Variants in PDZRN4 observed in about 807,000 individuals in gnomAD.
The protein encoded by PDZRN4 is PDZ domain containing ring finger 4, also known as PDZ domain-containing RING finger protein 4.
PDZRN4 carries 70 observed loss-of-function variants against 99.0 expected under a neutral mutation model. The ratio of observed to expected loss-of-function variants is 0.71; its 90% CI spans 0.58 to 0.86. The LOEUF is 0.86. PDZRN4 is among the 40% of genes least tolerant of loss of function. The pLI, the probability that PDZRN4 is intolerant of heterozygous loss-of-function variation, is 0.00. For missense variants in PDZRN4, 1,474 were observed against 1,331.2 expected, an observed-to-expected ratio of 1.11 and a Z score of -1.67; for synonymous variants, 551 against 501.6, an observed-to-expected ratio of 1.10 and a Z score of -1.32.
Position 41,233,843 on chromosome 12 carries a change from G to A in PDZRN4, c.843+39655G>A, listed in dbSNP as rs531979026. ...TTAGGAGACATACCTAATACTAAAT[G>A]ATGAATTAATGGGTGCAGCACACCA... On this transcript the variant is annotated intron_variant, in intron 3 of 9. Coordinates refer to ENST00000402685, the MANE Select transcript of PDZRN4 (RefSeq NM_001164595.2). 3.3e-5 allele frequency among the ~76,000 whole-genome samples: 5 copies of A among 152,008 alleles called. No homozygotes were observed. The East Asian group carries it at 9.7e-4, about 29-fold the overall frequency.
chr12:41,383,110 A>T (rs547630886), intron 3 of PDZRN4, among the ~76,000 whole-genome samples: 1 of 152,308 alleles, frequency 6.6e-6, no homozygotes, highest in South Asian at 2.1e-4. Context: ...ACACCTGATT[A>T]TGCTTCTAGG....
intron 3 of PDZRN4, among the ~76,000 whole-genome samples, chr12:41,235,493 C>T (rs1286220218): frequency 1.3e-5 from 2 of 152,134 alleles, no homozygotes; most frequent in Non-Finnish European, 2.9e-5. Context: ...AGACTTCACC[C>T]ATGAAGGATC....
At chr12:41,300,362 T>C (rs1254907873) in intron 3 of PDZRN4, among the ~76,000 whole-genome samples, 1 of 151,998 alleles carries the variant, frequency 6.6e-6, no homozygotes, top group African/African-American at 2.4e-5. Context: ...AACACAGTTT[T>C]CCTGAATCAC....
chr12:41,528,923 T>C (rs1938614808), intron 5 of PDZRN4, among the ~76,000 whole-genome samples: 1 of 152,174 alleles, frequency 6.6e-6, no homozygotes, highest in African/African-American at 2.4e-5. Flanking sequence ...AGTCCTTTTT[T>C]TTTGCTACAG....
At chr12:41,556,046 T>A (rs1293523739) in intron 7 of PDZRN4, among the ~76,000 whole-genome samples, 1 of 152,206 alleles carries the variant, frequency 6.6e-6, no homozygotes, top group Non-Finnish European at 1.5e-5. Flanking sequence ...CCTCCTCTCA[T>A]CCTAAGCTTT....
At chr12:41,197,158 G>A (rs976156749) in intron 3 of PDZRN4, among the ~76,000 whole-genome samples, 3 of 152,016 alleles carry the variant, frequency 2.0e-5, no homozygotes, top group Admixed American at 6.6e-5. Context: ...ACAAGTTTAT[G>A]AATTGTTTTT....
chr12:41,359,665 A>C (rs1951951578), intron 3 of PDZRN4, among the ~76,000 whole-genome samples: 1 of 151,758 alleles, frequency 6.6e-6, no homozygotes, highest in Non-Finnish European at 1.5e-5. Flanking sequence ...GCCTGTCTCC[A>C]TATATGACGT....
intron 3 of PDZRN4, among the ~76,000 whole-genome samples, chr12:41,321,225 T>C (rs1354732561): frequency 1.3e-5 from 2 of 152,186 alleles, no homozygotes; most frequent in South Asian, 2.1e-4. Flanking sequence ...GTTTTCCATC[T>C]GCTCTTTTAT....
intron 3 of PDZRN4, among the ~76,000 whole-genome samples, chr12:41,445,387 T>C (rs1414433633): frequency 6.6e-6 from 1 of 152,120 alleles, no homozygotes; most frequent in Non-Finnish European, 1.5e-5. Context: ...ACAAATGAAC[T>C]GCATATCTTT....
chr12:41,226,880 C>A (rs1356971323), intron 3 of PDZRN4, among the ~76,000 whole-genome samples: 3 of 152,154 alleles, frequency 2.0e-5, no homozygotes, highest in African/African-American at 7.2e-5. Flanking sequence ...AGCATTCTTT[C>A]TGATGCTTTT....
intron 3 of PDZRN4, chr12:41,437,840 T>C: frequency 1.2e-6 from 2 of 1,601,352 alleles, no homozygotes; most frequent in Non-Finnish European, 1.7e-6. Context: ...CTGAAGTGAC[T>C]GATGAAAAAC....
At chr12:41,495,766 C>T (rs1005745242) in intron 3 of PDZRN4, among the ~76,000 whole-genome samples, 61 of 152,068 alleles carry the variant, frequency 4.0e-4, no homozygotes, top group Non-Finnish European at 4.3e-4. Flanking sequence ...AACCTCTTCT[C>T]CAAGACTCAG....
intron 3 of PDZRN4, among the ~76,000 whole-genome samples, chr12:41,286,353 TTTTTTTG>T (rs959720254): frequency 6.7e-6 from 1 of 149,066 alleles, no homozygotes; most frequent in Non-Finnish European, 1.5e-5. Context: ...TTTTTTTTTT[TTTTTTTG>T]TTGTTGTTGT....
chr12:41,525,152 G>T (rs575915539), intron 5 of PDZRN4, among the ~76,000 whole-genome samples: 1 of 152,242 alleles, frequency 6.6e-6, no homozygotes, highest in South Asian at 2.1e-4. Flanking sequence ...GATGCTGAGT[G>T]GGCCGCTATT....
At chr12:41,193,496 G>A (rs1447666128) in intron 2 of PDZRN4, among the ~76,000 whole-genome samples, 1 of 152,170 alleles carries the variant, frequency 6.6e-6, no homozygotes, top group Admixed American at 6.5e-5. Flanking sequence ...CTGGAAATAT[G>A]TAACGATGAG....
At chr12:41,262,168 C>A in intron 3 of PDZRN4, among the ~76,000 whole-genome samples, 1 of 152,198 alleles carries the variant, frequency 6.6e-6, no homozygotes, top group African/African-American at 2.4e-5. Flanking sequence ...ACGAGGACTT[C>A]TGGAACTCTT....
At chr12:41,529,991 A>C (rs1303656409) in intron 5 of PDZRN4, among the ~76,000 whole-genome samples, 1 of 152,206 alleles carries the variant, frequency 6.6e-6, no homozygotes, top group African/African-American at 2.4e-5. Flanking sequence ...AAGGAGAAGA[A>C]GCAACCTGTG....
chr12:41,453,681 A>C (rs1050151389), intron 3 of PDZRN4, among the ~76,000 whole-genome samples: 5 of 152,102 alleles, frequency 3.3e-5, no homozygotes, highest in Non-Finnish European at 5.9e-5. Flanking sequence ...GTCCCATTAC[A>C]TTTGGTGTGA....
chr12:41,433,791 A>G (rs1952604923), intron 3 of PDZRN4, among the ~76,000 whole-genome samples: 1 of 152,224 alleles, frequency 6.6e-6, no homozygotes, highest in Admixed American at 6.5e-5. Flanking sequence ...AAGGGGCACA[A>G]TTATGTACTA....
Sources: gnomAD v4.1 joint callset for allele counts (sites outside exome capture counted in the v4.1 genomes callset) on GRCh38, gnomAD v4.1.1 for gene constraint, MANE v1.5 for transcripts, NCBI Gene and HGNC (gene_info 2026-07-23, HGNC 2026-07-21) for gene names.